Variants in TNS1 observed in about 807,000 individuals in gnomAD.
The protein encoded by TNS1 is tensin-1.
TNS1 carries 62 observed loss-of-function variants against 168.6 expected under a neutral mutation model. That is an observed-to-expected ratio of 0.37 (90% CI 0.30 to 0.45). The LOEUF is 0.45. TNS1 is among the 20% of genes least tolerant of loss of function. TNS1 has a pLI of 1.00. For synonymous variants in TNS1, 934 were observed against 933.2 expected, an observed-to-expected ratio of 1.00 and a Z score of -0.02; for missense variants, 2,240 against 2,339.4, an observed-to-expected ratio of 0.96 and a Z score of 0.88.
chr2:218,014,108 C>T (rs1162577702), upstream of TNS1, among the ~76,000 whole-genome samples: 1 of 152,220 alleles, frequency 6.6e-6, no homozygotes, highest in Non-Finnish European at 1.5e-5. Context: ...GCCCTCAGGC[C>T]CACAGTTTCC....
chr2:217,883,967 C>T lies in TNS1; in HGVS notation c.1246+1068G>A, dbSNP rs370967261. Among the ~76,000 whole-genome samples the T allele has an allele frequency of 3.1e-4, 47 of 152,306 alleles. No individual in the cohort carries two copies. The East Asian group carries it at 6.0e-3, about 19-fold the overall frequency. Reference sequence around the variant, plus strand: ...CCATGGGACACCTATCATGCTTGTGCGTGTCTCCATCACTTCAGGCAACAC... The same window carrying T: ...CCATGGGACACCTATCATGCTTGTGTGTGTCTCCATCACTTCAGGCAACAC... On this transcript the variant is annotated intron_variant, in intron 16 of 32. Transcript: ENST00000682258.
intron 4 of TNS1, among the ~76,000 whole-genome samples, chr2:217,911,718 C>G (rs1006001841): frequency 6.6e-6 from 1 of 152,150 alleles, no homozygotes; most frequent in African/African-American, 2.4e-5. Flanking sequence ...CACAGCCAGT[C>G]GGTAGGAGAG....
rs1941098388 is a variant in TNS1, at chr2:217,812,452, G to A, written c.4955-7C>T. 1 of 1,613,718 alleles carries A rather than the reference G, an allele frequency of 6.2e-7. No homozygotes were observed. The highest frequency in any genetic ancestry group is 8.5e-7 in the Non-Finnish European group (1 of 1,179,726). On this transcript the variant is annotated splice_region_variant and splice_polypyrimidine_tract_variant and intron_variant, in intron 27 of 32. Coordinates refer to ENST00000682258, the MANE Select transcript of TNS1 (RefSeq NM_001387777.1). ...ACCAGGGCAGACAGCGATCCTGTAG[G>A]GAGGCAGACGGCATGTCATGGGCAG...
At chr2:217,946,733 C>G (rs189312771) in intron 3 of TNS1, among the ~76,000 whole-genome samples, 82 of 151,970 alleles carry the variant, frequency 5.4e-4, no homozygotes, top group Admixed American at 3.8e-3. Context: ...ATCCCCTACC[C>G]CATCATCACC....
chr2:217,922,641 A>C (rs776990103), intron 3 of TNS1, among the ~76,000 whole-genome samples: 25 of 152,228 alleles, frequency 1.6e-4, no homozygotes, highest in Non-Finnish European at 3.4e-4. Flanking sequence ...GTGTTCTCTG[A>C]GACGAAGAGG....
intron 18 of TNS1, among the ~76,000 whole-genome samples, chr2:217,873,936 T>C (rs975725166): frequency 6.6e-6 from 1 of 152,010 alleles, no homozygotes; most frequent in African/African-American, 2.4e-5. Flanking sequence ...CTTTCTTCCC[T>C]TCCTAACCCT....
At chr2:217,931,498 G>T (rs1956318806) in intron 3 of TNS1, among the ~76,000 whole-genome samples, 1 of 152,192 alleles carries the variant, frequency 6.6e-6, no homozygotes, top group Non-Finnish European at 1.5e-5. Flanking sequence ...GCCCAAAATA[G>T]AGAATTCTGA....
intron 6 of TNS1, among the ~76,000 whole-genome samples, chr2:217,904,305 C>T (rs1034262056): frequency 3.0e-4 from 45 of 152,174 alleles, no homozygotes; most frequent in African/African-American, 1.1e-3. Flanking sequence ...AGTCCTGGGC[C>T]GTGGGCCAGA....
intron 1 of TNS1, among the ~76,000 whole-genome samples, chr2:217,993,083 T>C (rs996124730): frequency 6.6e-6 from 1 of 152,232 alleles, no homozygotes; most frequent in East Asian, 1.9e-4. Context: ...AGTGACATGC[T>C]GTGCGGGATT....
chr2:217,989,703 G>A (rs539989492), intron 2 of TNS1, among the ~76,000 whole-genome samples: 2 of 152,164 alleles, frequency 1.3e-5, no homozygotes, highest in Admixed American at 1.3e-4. Context: ...AGTCTGACTC[G>A]GGGCCTCTTA....
At chr2:217,942,673 T>C (rs1956972693) in intron 3 of TNS1, among the ~76,000 whole-genome samples, 1 of 152,112 alleles carries the variant, frequency 6.6e-6, no homozygotes, top group Non-Finnish European at 1.5e-5. Context: ...TGCTGCCACA[T>C]TGAAGAGGCA....
intron 3 of TNS1, among the ~76,000 whole-genome samples, chr2:217,953,530 G>A (rs1467840752): frequency 1.3e-5 from 2 of 152,234 alleles, no homozygotes; most frequent in Non-Finnish European, 2.9e-5. Context: ...CTTGGTGGTG[G>A]TTGTGAAAAA....
chr2:217,810,220 A>T, intron 29 of TNS1, 28 bp downstream of exon 29: 1 of 1,612,736 alleles, frequency 6.2e-7, no homozygotes, highest in South Asian at 1.1e-5. Flanking sequence ...AGGCCTGGGC[A>T]TGGGTACAGT....
Position 217,885,749 on chromosome 2 carries a change from T to C in TNS1, c.1111A>G (p.Ile371Val). The change falls in exon 15 of 33, where the codon ATC becomes GTC. Residue 371 changes from isoleucine to valine, a missense_variant. Ile to Val is a conservative substitution (Grantham distance 29). Coordinates refer to ENST00000682258, the MANE Select transcript of TNS1 (RefSeq NM_001387777.1). ...IEPGLLLKGD[I>V]LLKCYHKKFR... ...ACACAGAGGACAGCACTCACCAAGA[T>C]GTCTCCCTTCAAGAGCAGTCCTGGC... is the stretch of plus-strand genomic sequence containing the variant. The C allele has an allele frequency of 6.2e-7, 1 of 1,613,874 alleles. No individual in the cohort carries two copies. Among genetic ancestry groups the C allele is most frequent in the Non-Finnish European group, 8.5e-7 (1 of 1,179,870 alleles).
At chr2:217,981,224 CTCATGCACAGTG>C (rs1241196884) in intron 2 of TNS1, among the ~76,000 whole-genome samples, 1 of 152,228 alleles carries the variant, frequency 6.6e-6, no homozygotes, top group Non-Finnish European at 1.5e-5. Flanking sequence ...CACAGCTGGG[CTCATGCACAGTG>C]TCTTTGTGGA....
At chr2:218,016,646 G>T (rs1958763759) in intron 1 of TNS1, among the ~76,000 whole-genome samples, 1 of 152,222 alleles carries the variant, frequency 6.6e-6, no homozygotes, top group Non-Finnish European at 1.5e-5. Context: ...GGGGACCCAG[G>T]TCACACAGAC....
intron 18 of TNS1, among the ~76,000 whole-genome samples, chr2:217,860,523 C>G (rs1293116724): frequency 6.6e-6 from 1 of 152,142 alleles, no homozygotes; most frequent in Non-Finnish European, 1.5e-5. Flanking sequence ...AACCAACAAA[C>G]CTCGGGCTCT....
At chr2:217,944,477 AT>A (rs1957053344) in intron 3 of TNS1, among the ~76,000 whole-genome samples, 1 of 152,242 alleles carries the variant, frequency 6.6e-6, no homozygotes, top group Admixed American at 6.5e-5. Flanking sequence ...GATGGTGATG[AT>A]GATAATAATA....
chr2:217,889,600 C>A (rs1331283735), intron 12 of TNS1, among the ~76,000 whole-genome samples: 1 of 152,234 alleles, frequency 6.6e-6, no homozygotes, highest in Non-Finnish European at 1.5e-5. Flanking sequence ...GAAGGCCCTT[C>A]CATTTGAATC....
Sources: gnomAD v4.1 joint callset for allele counts (sites outside exome capture counted in the v4.1 genomes callset) on GRCh38, gnomAD v4.1.1 for gene constraint, MANE v1.5 for transcripts, NCBI Gene and HGNC (gene_info 2026-07-23, HGNC 2026-07-21) for gene names.